The following MS4A4A variants were observed in gnomAD, a reference collection of about 807,000 sequenced individuals.
MS4A4A encodes membrane spanning 4-domains A4A.
MS4A4A carries 26 observed loss-of-function variants against 28.0 expected under a neutral mutation model. That is an observed-to-expected ratio of 0.93 (90% CI 0.68 to 1.29). The LOEUF is 1.29. Among genes scored for constraint, MS4A4A ranks in the 50% most tolerant of loss-of-function variants. MS4A4A has a pLI of 0.00. For missense variants in MS4A4A, 290 were observed against 293.1 expected (o/e 0.99, Z 0.08); for synonymous variants, 86 against 100.8 (o/e 0.85, Z 0.88).
chr11:60,288,725 G>A (rs1271803701), intron 1 of MS4A4A, among the ~76,000 whole-genome samples: 1 of 152,148 alleles, frequency 6.6e-6, no homozygotes, highest in Non-Finnish European at 1.5e-5. Flanking sequence ...GCAGCAGCAA[G>A]GCCTCAGGAA....
chr11:60,283,635 C>T (rs538046309), intron 1 of MS4A4A, among the ~76,000 whole-genome samples: 20 of 152,116 alleles, frequency 1.3e-4, no homozygotes, highest in Non-Finnish European at 2.6e-4. Flanking sequence ...ACCTCTTCTC[C>T]CTTCTGGGAC....
At position 60,281,700 on chromosome 11, in the gene MS4A4A, A is replaced by G. The variant is rs1426247; in HGVS notation, c.41+984A>G. Among the ~76,000 whole-genome samples the G allele has an allele frequency of 4.2e-3, 644 of 152,270 alleles. 3 individuals carry two copies. The highest frequency in any genetic ancestry group is 0.01 in the Middle Eastern group (3 of 294). Reference sequence around the variant, plus strand: ...CCATGAGGAGGATGGTGACATAAAAATGAGGAAATAAGAGACTGGTGGTGC... The same window carrying G: ...CCATGAGGAGGATGGTGACATAAAAGTGAGGAAATAAGAGACTGGTGGTGC... On this transcript the variant is annotated intron_variant, in intron 1 of 6. Transcript: ENST00000337908.
At chr11:60,297,446 C>T (rs1488371204) in intron 3 of MS4A4A, 121 bp downstream of exon 3, 21 of 1,080,912 alleles carry the variant, frequency 1.9e-5, no homozygotes, top group Non-Finnish European at 2.6e-5. Flanking sequence ...TGGTATCTAA[C>T]CATTTCTTAC....
chr11:60,302,562 C>T lies in MS4A4A; in HGVS notation c.391C>T (p.Arg131Ter), dbSNP rs2084960804. The T allele has an allele frequency of 7.4e-6, 12 of 1,613,664 alleles. No homozygotes were observed. Among genetic ancestry groups the T allele is most frequent in the South Asian group, 4.4e-5 (4 of 90,968 alleles). The change falls in exon 5 of 7, where the codon CGA (arginine) becomes TGA (stop). Residue 131 changes from arginine to a stop codon, truncating the protein, a stop_gained. Transcript: ENST00000337908. LOFTEE classifies it high-confidence loss of function. Reference sequence around the variant, plus strand: ...ATTGATTTTCATTCCTTTCTAGGTCCGAGGTAGTCTAGGAATGAATATCAC... The same window carrying T: ...ATTGATTTTCATTCCTTTCTAGGTCTGAGGTAGTCTAGGAATGAATATCAC... Reference protein sequence around the residue: ...AGIRTTKGLVRGSLGMNITSS... With the variant: ...AGIRTTKGLV
At chr11:60,301,461 A>C (rs937971199) in intron 4 of MS4A4A, among the ~76,000 whole-genome samples, 2 of 152,238 alleles carry the variant, frequency 1.3e-5, no homozygotes, top group African/African-American at 4.8e-5. Context: ...TTGAGTTTTC[A>C]ATAAAAGAAA....
chr11:60,284,279 C>G (rs1191014616), intron 1 of MS4A4A, among the ~76,000 whole-genome samples: 1 of 152,218 alleles, frequency 6.6e-6, no homozygotes, highest in African/African-American at 2.4e-5. Flanking sequence ...GTGCGTGTCA[C>G]TTAATAAATG....
At chr11:60,302,969 T>G (rs543416700) in intron 5 of MS4A4A, among the ~76,000 whole-genome samples, 1 of 152,316 alleles carries the variant, frequency 6.6e-6, no homozygotes, top group East Asian at 1.9e-4. Context: ...TAATAGTTAC[T>G]GTGCTGGGTA....
At chr11:60,297,419 T>C in intron 3 of MS4A4A, 94 bp downstream of exon 3, 1 of 1,435,332 alleles carries the variant, frequency 7.0e-7, no homozygotes, top group Non-Finnish European at 9.4e-7. Context: ...TATCTTGTAA[T>C]TCTGTAAATC....
chr11:60,281,601 T>C (rs2084755942), intron 1 of MS4A4A, among the ~76,000 whole-genome samples: 1 of 152,186 alleles, frequency 6.6e-6, no homozygotes, highest in Admixed American at 6.5e-5. Flanking sequence ...TTCTAGTCTA[T>C]TTGACAACTT....
At chr11:60,296,042 G>A (rs2084902756) in intron 2 of MS4A4A, among the ~76,000 whole-genome samples, 1 of 152,006 alleles carries the variant, frequency 6.6e-6, no homozygotes, top group Non-Finnish European at 1.5e-5. Context: ...TCTATTTTCT[G>A]TAAATAATGG....
intron 1 of MS4A4A, among the ~76,000 whole-genome samples, chr11:60,291,269 A>C (rs2084853714): frequency 6.6e-6 from 1 of 152,342 alleles, no homozygotes; most frequent in African/African-American, 2.4e-5. Flanking sequence ...TAATAGGACA[A>C]GAGATTTAGA....
intron 1 of MS4A4A, among the ~76,000 whole-genome samples, chr11:60,283,931 ACAAG>A (rs2084779751): frequency 6.6e-6 from 1 of 152,242 alleles, no homozygotes; most frequent in Non-Finnish European, 1.5e-5. Flanking sequence ...CAAGAGGAAG[ACAAG>A]GGCCTCTTGG....
rs1185817309 is a variant in MS4A4A, at chr11:60,308,141, C to A, written c.683C>A (p.Ala228Glu). ...ATTCTGCCATCACATTCTCACATGG[C>A]AGAAACAGCATCTCCCACACCACTT... ...VLILPSHSHMAETASPTPLNE... is the reference protein window; with the variant it reads ...VLILPSHSHMEETASPTPLNE... The change falls in exon 7 of 7, where the codon GCA (alanine) becomes GAA (glutamate). Residue 228 changes from alanine to glutamate, a missense_variant. Coordinates refer to ENST00000337908, the MANE Select transcript of MS4A4A (RefSeq NM_148975.3). The A allele has an allele frequency of 1.9e-6, 3 of 1,614,008 alleles. No individual in the cohort carries two copies. The highest frequency in any genetic ancestry group is 4.5e-5 in the East Asian group (2 of 44,870).
At chr11:60,292,052 CCA>C (rs2084861895) in intron 1 of MS4A4A, among the ~76,000 whole-genome samples, 171 bp from the exon 2 acceptor site, 1 of 152,020 alleles carries the variant, frequency 6.6e-6, no homozygotes, top group East Asian at 1.9e-4. Context: ...TGCCCCCGCC[CCA>C]CACACACACT....
At chr11:60,303,962 G>T (rs971666934) in intron 5 of MS4A4A, among the ~76,000 whole-genome samples, 1 of 152,100 alleles carries the variant, frequency 6.6e-6, no homozygotes, top group African/African-American at 2.4e-5. Context: ...ACCCCTTGAG[G>T]TGTCTTTGCT....
chr11:60,283,901 T>C (rs975004707), intron 1 of MS4A4A, among the ~76,000 whole-genome samples: 1 of 152,232 alleles, frequency 6.6e-6, no homozygotes, highest in Non-Finnish European at 1.5e-5. Context: ...CAAATTCCAT[T>C]ATCATTGGAA....
chr11:60,283,283 T>C (rs1286707360), intron 1 of MS4A4A, among the ~76,000 whole-genome samples: 2 of 152,186 alleles, frequency 1.3e-5, no homozygotes, highest in Admixed American at 6.5e-5. Context: ...CCCAGTCTGA[T>C]CTCAAACTCC....
chr11:60,307,587 G>C (rs924663075), intron 6 of MS4A4A, among the ~76,000 whole-genome samples: 3 of 152,216 alleles, frequency 2.0e-5, no homozygotes, highest in Admixed American at 6.5e-5. Context: ...GAAAAGCAGT[G>C]GTTTTGGGGC....
At chr11:60,299,909 T>G (rs2084937464) in intron 3 of MS4A4A, among the ~76,000 whole-genome samples, 1 of 152,214 alleles carries the variant, frequency 6.6e-6, no homozygotes, top group African/African-American at 2.4e-5. Context: ...ATTAGAATAT[T>G]TCAATATTAA....
Sources: gnomAD v4.1 joint callset for allele counts (sites outside exome capture counted in the v4.1 genomes callset) on GRCh38, gnomAD v4.1.1 for gene constraint, MANE v1.5 for transcripts, NCBI Gene and HGNC (gene_info 2026-07-23, HGNC 2026-07-21) for gene names.